Variants in ARHGEF18 observed in about 807,000 individuals in gnomAD.
ARHGEF18 encodes rho guanine nucleotide exchange factor 18.
In ARHGEF18, 93 loss-of-function variants were observed where a neutral mutation model predicts 155.7. That is an observed-to-expected ratio of 0.60 (90% CI 0.50 to 0.71). ARHGEF18 has a LOEUF of 0.71. Ranked by LOEUF, ARHGEF18 falls within the 30% of genes least tolerant of loss-of-function variation. The pLI is 0.00. For synonymous variants in ARHGEF18, 742 were observed against 753.1 expected, an observed-to-expected ratio of 0.99 and a Z score of 0.24; for missense variants, 1,593 against 1,816.1, an observed-to-expected ratio of 0.88 and a Z score of 2.23.
chr19:7,397,498 CGG>C lies in ARHGEF18; in HGVS notation c.967+14303_967+14304del, dbSNP rs374998227. ...TGTAATCCCAGCACTTTGGGAGGCC[CGG>C]GGGGGGGCAGATCACGAGGTCAGGA... On this transcript the variant is annotated intron_variant, in intron 10 of 28. Transcript: ENST00000668164. 8.8e-3 allele frequency among the ~76,000 whole-genome samples: 1,311 copies of C among 149,276 alleles called. 24 individuals are homozygous for C. Among genetic ancestry groups the C allele is most frequent in the African/African-American group, 0.03 (1,236 of 40,900 alleles).
chr19:7,420,885 G>A (rs754484278), intron 10 of ARHGEF18, among the ~76,000 whole-genome samples: 4 of 152,180 alleles, frequency 2.6e-5, no homozygotes, highest in Non-Finnish European at 5.9e-5. Context: ...TGCTGTGCTG[G>A]TTCACCTGGG....
chr19:7,389,202 G>A (rs958117229), intron 10 of ARHGEF18, among the ~76,000 whole-genome samples: 5 of 149,790 alleles, frequency 3.3e-5, no homozygotes, highest in East Asian at 1.9e-4. Context: ...CCAGGCTGGG[G>A]TGCAGTGGCG....
downstream of ARHGEF18, chr19:7,477,059 G>T: frequency 2.9e-6 from 2 of 696,404 alleles, no homozygotes; most frequent in Non-Finnish European, 4.2e-6. Flanking sequence ...GGGGGACCTC[G>T]CATCAGTCCC....
chr19:7,368,159 C>G (rs1406335119), intron 2 of ARHGEF18, among the ~76,000 whole-genome samples: 2 of 151,720 alleles, frequency 1.3e-5, no homozygotes, highest in East Asian at 3.9e-4. Context: ...TATCTTTTTC[C>G]AACAGACAAC....
chr19:7,398,705 A>AT (rs900632842), intron 10 of ARHGEF18, among the ~76,000 whole-genome samples: 2 of 131,730 alleles, frequency 1.5e-5, no homozygotes, highest in Admixed American at 7.1e-5. Context: ...AAAAAAAAAA[A>AT]AATAAAGAAA....
intron 1 of ARHGEF18, among the ~76,000 whole-genome samples, chr19:7,356,701 T>C (rs1183984458): frequency 6.6e-6 from 1 of 152,142 alleles, no homozygotes; most frequent in African/African-American, 2.4e-5. Flanking sequence ...ACTCATTGCC[T>C]CATGGGTTTT....
At chr19:7,453,070 G>T (rs1975588660) in intron 16 of ARHGEF18, among the ~76,000 whole-genome samples, 1 of 151,812 alleles carries the variant, frequency 6.6e-6, no homozygotes. Flanking sequence ...ATGGTGGCGG[G>T]TGCCTGTAAT....
chr19:7,426,181 A>C (rs1375848931), intron 10 of ARHGEF18, among the ~76,000 whole-genome samples: 1 of 152,066 alleles, frequency 6.6e-6, no homozygotes, highest in Non-Finnish European at 1.5e-5. Context: ...CCTGTCTCAA[A>C]AAAGAAAAAA....
chr19:7,458,569 G>C lies in ARHGEF18; in HGVS notation c.2239G>C (p.Glu747Gln), dbSNP rs1428024348. The C allele has an allele frequency of 6.2e-7, 1 of 1,614,120 alleles. No individual in the cohort carries two copies. The highest frequency in any genetic ancestry group is 8.5e-7 in the Non-Finnish European group (1 of 1,180,016). ...GCTCATCGTGAGGGAAGTGGCCAAC[G>C]AGGAGAAAGCGATGTTTCTGATCAG... The part of the protein sequence containing the change: ...QKLIVREVAN[E>Q]EKAMFLISAS... Residue 747 changes from glutamate (E) to glutamine (Q), a missense_variant, in exon 19 of 29, where the codon GAG (glutamate) becomes CAG (glutamine). Physicochemically the swap from Glu to Gln is conservative, Grantham distance 29. Coordinates refer to ENST00000668164, the MANE Select transcript of ARHGEF18 (RefSeq NM_001367823.1).
intron 10 of ARHGEF18, among the ~76,000 whole-genome samples, chr19:7,424,114 C>T (rs560562875): frequency 6.6e-6 from 1 of 152,148 alleles, no homozygotes; most frequent in South Asian, 2.1e-4. Flanking sequence ...GCAACCTCCA[C>T]CTCCCGGGTT....
intron 3 of ARHGEF18, among the ~76,000 whole-genome samples, 197 bp downstream of exon 3, chr19:7,373,268 A>T (rs577258602): frequency 6.6e-6 from 1 of 152,332 alleles, no homozygotes; most frequent in South Asian, 2.1e-4. Context: ...TTTCTGGACA[A>T]TTCAAGCACA....
At chr19:7,373,662 G>T (rs1013574290) in intron 3 of ARHGEF18, among the ~76,000 whole-genome samples, 3 of 151,130 alleles carry the variant, frequency 2.0e-5, no homozygotes, top group African/African-American at 7.3e-5. Context: ...TTTTAGTAGA[G>T]ACGGGGTTTC....
chr19:7,373,170 C>A (rs1229517552), intron 3 of ARHGEF18, 99 bp downstream of exon 3: 3 of 1,223,496 alleles, frequency 2.5e-6, no homozygotes, highest in Non-Finnish European at 3.1e-6. Context: ...CCACCCCTTG[C>A]ACCTGCCGTG....
At chr19:7,385,891 CCT>C (rs1971022318) in intron 10 of ARHGEF18, among the ~76,000 whole-genome samples, 1 of 41,404 alleles carries the variant, frequency 2.4e-5, no homozygotes, top group Non-Finnish European at 4.2e-5. Context: ...TCTCTCCCTC[CCT>C]CCCTCTCTCT....
At chr19:7,418,047 G>T (rs957492307) in intron 10 of ARHGEF18, among the ~76,000 whole-genome samples, 80 of 152,216 alleles carry the variant, frequency 5.3e-4, no homozygotes, top group African/African-American at 1.6e-3. Context: ...CCTGGGGAAG[G>T]TGGGGGCCAT....
chr19:7,381,094 C>A, intron 8 of ARHGEF18, 100 bp downstream of exon 8: 2 of 923,338 alleles, frequency 2.2e-6, no homozygotes, highest in Non-Finnish European at 2.8e-6. Context: ...GGGGCAGGAG[C>A]TGGAGCCCCC....
At chr19:7,397,433 T>A (rs1754734227) in intron 10 of ARHGEF18, among the ~76,000 whole-genome samples, 1 of 151,946 alleles carries the variant, frequency 6.6e-6, no homozygotes. Context: ...GTCTGGCTAA[T>A]TTTTAAAAAT....
At chr19:7,433,880 A>G (rs1397728260) in intron 10 of ARHGEF18, among the ~76,000 whole-genome samples, 2 of 151,546 alleles carry the variant, frequency 1.3e-5, no homozygotes, top group African/African-American at 4.9e-5. Flanking sequence ...ATAGCCAGGC[A>G]TGGTGGCAGG....
intron 10 of ARHGEF18, among the ~76,000 whole-genome samples, chr19:7,408,425 C>T (rs1972471058): frequency 6.6e-6 from 1 of 151,836 alleles, no homozygotes; most frequent in African/African-American, 2.4e-5. Flanking sequence ...TTTACAAAAA[C>T]AGGTGGCCAG....
Sources: allele counts gnomAD v4.1 joint callset (sites outside exome capture counted in the v4.1 genomes callset), GRCh38; gene constraint gnomAD v4.1.1; transcripts MANE v1.5; gene names NCBI Gene and HGNC (gene_info 2026-07-23, HGNC 2026-07-21).